The following ADAM23 variants were observed in gnomAD, a reference collection of about 807,000 sequenced individuals.
ADAM23 encodes disintegrin and metalloproteinase domain-containing protein 23.
ADAM23 carries 33 observed loss-of-function variants against 120.1 expected under a neutral mutation model. The ratio of observed to expected loss-of-function variants is 0.27; its 90% CI spans 0.21 to 0.37. ADAM23 has a LOEUF of 0.37. Ranked by LOEUF, ADAM23 falls within the 10% of genes least tolerant of loss-of-function variation. ADAM23 has a pLI of 1.00. For missense variants in ADAM23, 862 were observed against 1,058.2 expected (o/e 0.81, Z 2.57); for synonymous variants, 367 against 375.2 (o/e 0.98, Z 0.25).
At chr2:206,598,088 TTAAAACTAGAACAAAAAA>T (rs925651253) in intron 24 of ADAM23, among the ~76,000 whole-genome samples, 3 of 152,202 alleles carry the variant, frequency 2.0e-5, no homozygotes, top group African/African-American at 7.2e-5. Flanking sequence ...TTTTGTTACT[TTAAAACTAGAACAAAAAA>T]TTCTTGGATC....
chr2:206,465,120 G>A (rs185681490), intron 2 of ADAM23, among the ~76,000 whole-genome samples: 3 of 151,096 alleles, frequency 2.0e-5, no homozygotes, highest in East Asian at 3.9e-4. Flanking sequence ...ATCGTTGCTC[G>A]CCGTAGCCTC....
chr2:206,610,764 G>C (rs186571460), intron 25 of ADAM23, among the ~76,000 whole-genome samples: 1 of 152,204 alleles, frequency 6.6e-6, no homozygotes, highest in Admixed American at 6.5e-5. Flanking sequence ...ATTTATCCAG[G>C]CTGGCTATTT....
intron 3 of ADAM23, among the ~76,000 whole-genome samples, chr2:206,519,143 T>C (rs942828719): frequency 7.2e-5 from 11 of 152,142 alleles, no homozygotes; most frequent in African/African-American, 2.7e-4. Flanking sequence ...AGCTCCTGGG[T>C]GCCTGTTTAG....
chr2:206,520,033 AAGG>A (rs1365432122), intron 3 of ADAM23, among the ~76,000 whole-genome samples: 1 of 152,118 alleles, frequency 6.6e-6, no homozygotes, highest in Non-Finnish European at 1.5e-5. Flanking sequence ...AAAAAATAAA[AAGG>A]AGCAAGATTA....
At chr2:206,534,193 A>C (rs967367477) in intron 4 of ADAM23, among the ~76,000 whole-genome samples, 1 of 152,196 alleles carries the variant, frequency 6.6e-6, no homozygotes, top group Non-Finnish European at 1.5e-5. Context: ...TACCAACCAT[A>C]GGTAACCACT....
At chr2:206,473,367 A>G (rs1424105383) in intron 2 of ADAM23, among the ~76,000 whole-genome samples, 1 of 152,008 alleles carries the variant, frequency 6.6e-6, no homozygotes, top group Non-Finnish European at 1.5e-5. Flanking sequence ...CACTCCACAA[A>G]TTCAAATGCG....
rs1467787948 is a variant in ADAM23 at position 206,557,428 on chromosome 2, A to G, written c.935A>G (p.Tyr312Cys). 3 of 1,612,820 alleles carry G rather than the reference A, an allele frequency of 1.9e-6. No homozygotes were observed. The highest frequency in any genetic ancestry group is 2.2e-5 in the East Asian group (1 of 44,868). Residue 312 changes from tyrosine to cysteine, a missense_variant and splice_region_variant, in exon 10 of 26, where the codon TAT becomes TGT. Tyr to Cys is a radical substitution (Grantham distance 194, BLOSUM62 -2). This residue lies in a region of ADAM23 where 617 missense variants were observed against 813.5 expected (regional missense o/e 0.76). Transcript: ENST00000264377. ...ELMIVNDHKT[Y>C]KKHRSSHAHT... ...GACTGGTATGTATTTCCCCCCTAGT[A>G]TAAGAAGCATCGCTCTTCTCATGCA...
At chr2:206,587,291 G>A in intron 18 of ADAM23, 34 bp from the exon 19 acceptor site, 2 of 1,532,038 alleles carry the variant, frequency 1.3e-6, no homozygotes, top group Non-Finnish European at 1.8e-6. Flanking sequence ...TACCTAGCAT[G>A]CTGAATATTA....
At chr2:206,587,296 A>G (rs1219899538) in intron 18 of ADAM23, 29 bp from the exon 19 acceptor site, 2 of 1,559,906 alleles carry the variant, frequency 1.3e-6, no homozygotes, top group Middle Eastern at 1.7e-4. Flanking sequence ...AGCATGCTGA[A>G]TATTAACTAA....
At chr2:206,570,381 A>G (rs1420590938) in intron 15 of ADAM23, among the ~76,000 whole-genome samples, 1 of 152,148 alleles carries the variant, frequency 6.6e-6, no homozygotes, top group Non-Finnish European at 1.5e-5. Flanking sequence ...AGCAAATTAG[A>G]TATCTGTGAG....
chr2:206,605,791 GAATATGGCCACAAGCAGGCT>G (rs1171169305), intron 24 of ADAM23: 4 of 702,268 alleles, frequency 5.7e-6, no homozygotes, highest in African/African-American at 1.7e-5. Context: ...TCCACACAGT[GAATATGGCCACAAGCAGGCT>G]AATAGGGGCC....
intron 4 of ADAM23, among the ~76,000 whole-genome samples, chr2:206,538,489 C>T (rs1226213276): frequency 6.6e-6 from 1 of 152,206 alleles, no homozygotes; most frequent in Non-Finnish European, 1.5e-5. Flanking sequence ...ACCTAGATAT[C>T]ATAATATACA....
At chr2:206,578,997 T>C (rs1343224337) in intron 18 of ADAM23, among the ~76,000 whole-genome samples, 1 of 152,184 alleles carries the variant, frequency 6.6e-6, no homozygotes, top group Non-Finnish European at 1.5e-5. Context: ...ATTAGTGATG[T>C]TGAGCATCTT....
chr2:206,454,345 G>A (rs1049638452), intron 2 of ADAM23, among the ~76,000 whole-genome samples: 1 of 152,098 alleles, frequency 6.6e-6, no homozygotes, highest in Non-Finnish European at 1.5e-5. Context: ...AGAACTCACT[G>A]TCATGAGAAC....
At chr2:206,496,174 A>G (rs577667094) in intron 3 of ADAM23, among the ~76,000 whole-genome samples, 1 of 152,062 alleles carries the variant, frequency 6.6e-6, no homozygotes, top group Non-Finnish European at 1.5e-5. Flanking sequence ...ACAGAACTCT[A>G]CACCCCAAAT....
At chr2:206,608,823 A>C (rs936513318) in intron 24 of ADAM23, among the ~76,000 whole-genome samples, 4 of 152,218 alleles carry the variant, frequency 2.6e-5, no homozygotes, top group African/African-American at 9.7e-5. Context: ...TGATGTGAGC[A>C]GAAAAGAGAA....
At chr2:206,583,468 A>G (rs1698261045) in intron 18 of ADAM23, among the ~76,000 whole-genome samples, 1 of 152,034 alleles carries the variant, frequency 6.6e-6, no homozygotes, top group Middle Eastern at 3.4e-3. Flanking sequence ...AAAAAAAAAA[A>G]AGAATTCTCT....
intron 17 of ADAM23, 88 bp downstream of exon 17, chr2:206,571,904 C>T (rs1574541308): frequency 8.2e-7 from 1 of 1,216,730 alleles, no homozygotes; most frequent in East Asian, 2.4e-5. Context: ...TGTAGCTTGT[C>T]ACAAATTTCT....
intron 3 of ADAM23, among the ~76,000 whole-genome samples, chr2:206,525,467 ATAGCCCAAGGCCCAGT>A (rs1696924658): frequency 6.6e-6 from 1 of 152,204 alleles, no homozygotes; most frequent in Non-Finnish European, 1.5e-5. Flanking sequence ...AGCCTTCCTC[ATAGCCCAAGGCCCAGT>A]TAGCCACGTC....
Sources: gnomAD v4.1 joint callset for allele counts (sites outside exome capture counted in the v4.1 genomes callset) on GRCh38, gnomAD v4.1.1 for gene constraint, gnomAD v4.1.1 regional missense constraint, MANE v1.5 for transcripts, NCBI Gene and HGNC (gene_info 2026-07-23, HGNC 2026-07-21) for gene names.